OSBPL3: variants seen among roughly 807,000 people sequenced by gnomAD.
The protein encoded by OSBPL3 is oxysterol-binding protein-related protein 3.
Under a neutral mutation model 120.1 loss-of-function variants are expected in OSBPL3, and 65 were observed. The observed-to-expected ratio is 0.54, with a 90% CI of 0.44 to 0.67. The LOEUF (loss-of-function observed/expected upper bound fraction) is 0.67, where lower values mean the gene tolerates loss of function less well. Ranked by LOEUF, OSBPL3 falls within the 30% of genes least tolerant of loss-of-function variation. OSBPL3 has a pLI of 0.00. For missense variants in OSBPL3, 1,004 were observed against 1,082.1 expected, an observed-to-expected ratio of 0.93 and a Z score of 1.01; for synonymous variants, 416 against 402.6, an observed-to-expected ratio of 1.03 and a Z score of -0.40.
rs1176330456 is a variant in OSBPL3, at chr7:24,959,141, C to T, written c.-150+20745G>A. On this transcript the variant is annotated intron_variant, in intron 1 of 22. Transcript: ENST00000313367. The surrounding 1 kb of genome is among the most constrained non-coding windows in gnomAD (Gnocchi z 4.3). ...AACTGCTGGAAGAAACGTAAATGGG[C>T]ACAACCATTTTGGAAAACTGTTTGG... Among the ~76,000 whole-genome samples the T allele has an allele frequency of 1.3e-5, 2 of 152,098 alleles. No homozygotes were observed. Among genetic ancestry groups the T allele is most frequent in the Non-Finnish European group, 2.9e-5 (2 of 67,972 alleles).
intron 12 of OSBPL3, among the ~76,000 whole-genome samples, chr7:24,846,212 T>C (rs1205443769): frequency 6.6e-6 from 1 of 152,234 alleles, no homozygotes; most frequent in East Asian, 1.9e-4. Flanking sequence ...TGTTTTATTT[T>C]CTGGCTTGGC....
At chr7:24,903,520 T>C (rs1445428933) in intron 1 of OSBPL3, among the ~76,000 whole-genome samples, 1 of 152,254 alleles carries the variant, frequency 6.6e-6, no homozygotes, top group East Asian at 1.9e-4. Flanking sequence ...AATGTAACCC[T>C]ATCCTTCACC....
intron 1 of OSBPL3, among the ~76,000 whole-genome samples, chr7:24,926,206 C>T (rs879591696): frequency 1.3e-5 from 2 of 152,210 alleles, no homozygotes; most frequent in African/African-American, 4.8e-5. Flanking sequence ...CCATTTCATA[C>T]AAAGCTTTCC....
chr7:24,914,219 A>G (rs111864736), intron 1 of OSBPL3, among the ~76,000 whole-genome samples: 7 of 152,008 alleles, frequency 4.6e-5, no homozygotes, highest in African/African-American at 1.7e-4. Flanking sequence ...ACCCCACAGG[A>G]TCATGGAAAA....
rs1794305376 is a variant in OSBPL3, at chr7:24,815,055, T to C, written c.2172+4A>G. 1.9e-6 allele frequency: 3 copies of C among 1,613,900 alleles called. No homozygotes were observed. The highest frequency in any genetic ancestry group is 2.2e-5 in the South Asian group (2 of 91,070). Reference sequence around the variant, plus strand: ...GTCAGAGCTCAGAGAGTCACTGGAGTTACCTTTATAAAATTCACTTTGCAG... The same window carrying C: ...GTCAGAGCTCAGAGAGTCACTGGAGCTACCTTTATAAAATTCACTTTGCAG... On this transcript the variant is annotated splice_donor_region_variant and intron_variant, in intron 19 of 22. Transcript: ENST00000313367. This position sits in a 1 kb window ranked among gnomAD's most constrained non-coding sequence, Gnocchi z 5.1.
intron 1 of OSBPL3, among the ~76,000 whole-genome samples, chr7:24,975,987 G>GA (rs1817543445): frequency 6.6e-6 from 1 of 152,200 alleles, no homozygotes; most frequent in Admixed American, 6.5e-5. Flanking sequence ...CAGGGGTGGG[G>GA]AATGATAGGA....
intron 1 of OSBPL3, among the ~76,000 whole-genome samples, chr7:24,911,287 G>A (rs1040201244): frequency 2.0e-5 from 3 of 152,148 alleles, no homozygotes; most frequent in African/African-American, 7.2e-5. Flanking sequence ...GTGTTATTAC[G>A]CTCCCTTAAC....
At position 24,808,369 on chromosome 7, in the gene OSBPL3, C is replaced by G. The variant is rs958618334; in HGVS notation, c.2317+1438G>C. On this transcript the variant is annotated intron_variant, in intron 20 of 22. Transcript: ENST00000313367. This position sits in a 1 kb window ranked among gnomAD's most constrained non-coding sequence, Gnocchi z 4.6. ...CTTAAAGATGGGCCAGGGATGCTCA[C>G]TGCCATTAGAGAGACATAAAGTCAA... Among the ~76,000 whole-genome samples the G allele has an allele frequency of 6.6e-6, 1 of 152,208 alleles. No homozygotes were observed. The highest frequency in any genetic ancestry group is 1.5e-5 in the Non-Finnish European group (1 of 68,040).
At position 24,883,081 on chromosome 7, in the gene OSBPL3, G is replaced by A. The variant is rs1299184091; in HGVS notation, c.96+9296C>T. On this transcript the variant is annotated intron_variant, in intron 2 of 22. Transcript: ENST00000313367. This position sits in a 1 kb window ranked among gnomAD's most constrained non-coding sequence, Gnocchi z 5.4. The stretch of plus-strand genomic sequence containing the variant: ...AGAAACTTTTTAGTTTAATTAAGTA[G>A]GAAGTGAACATGTCTTTTTATGATT... Among the ~76,000 whole-genome samples the A allele has an allele frequency of 6.6e-6, 1 of 152,132 alleles. No homozygotes were observed. Among genetic ancestry groups the A allele is most frequent in the Non-Finnish European group, 1.5e-5 (1 of 68,020 alleles).
chr7:24,934,175 C>T (rs1812111985), intron 1 of OSBPL3, among the ~76,000 whole-genome samples: 1 of 152,170 alleles, frequency 6.6e-6, no homozygotes, highest in South Asian at 2.1e-4. Flanking sequence ...ATCATCTCAA[C>T]AAATTTTTAT....
Position 24,866,212 on chromosome 7 carries a change from T to A in OSBPL3, c.407A>T (p.Glu136Val). Residue 136 changes from glutamate (E) to valine (V), a missense_variant, in exon 6 of 23, where the codon GAG (glutamate) becomes GTG (valine). Around this residue, in one of 4 missense-constraint regions of OSBPL3, gnomAD observed 255 missense variants for 248.7 expected, o/e 1.03. Transcript: ENST00000313367. ...GTGGTGGCGAAGTTTCGATACCCAC[T>A]CATCAAAGACTTCTTCTGACTTGAC... ...LKVKSEEVFD[E>V]WVSKLRHHRM... 6.2e-7 allele frequency: 1 copy of A among 1,612,156 alleles called. No homozygotes were observed. Among genetic ancestry groups the A allele is most frequent in the Non-Finnish European group, 8.5e-7 (1 of 1,178,206 alleles).
At chr7:24,917,049 C>T (rs1809665736) in intron 1 of OSBPL3, among the ~76,000 whole-genome samples, 1 of 151,990 alleles carries the variant, frequency 6.6e-6, no homozygotes, top group African/African-American at 2.4e-5. Context: ...GGGGCTGCAC[C>T]CATATTTGTA....
At chr7:24,929,680 C>G (rs960721009) in intron 1 of OSBPL3, among the ~76,000 whole-genome samples, 1 of 152,132 alleles carries the variant, frequency 6.6e-6, no homozygotes, top group African/African-American at 2.4e-5. Flanking sequence ...CTGCTGCTTC[C>G]AAGCTAATTT....
intron 22 of OSBPL3, 133 bp from the exon 23 acceptor site, chr7:24,800,412 C>T (rs17150175): frequency 0.03 from 15,389 of 507,342 alleles, 833 homozygotes; most frequent in East Asian, 0.17. Context: ...GTGTTGGGAC[C>T]GGGAATTCTG....
intron 6 of OSBPL3, among the ~76,000 whole-genome samples, 163 bp from the exon 7 acceptor site, chr7:24,865,628 G>A (rs983906364): frequency 7.2e-5 from 11 of 152,146 alleles, no homozygotes; most frequent in Admixed American, 5.2e-4. Context: ...CTATCACCCC[G>A]GCTTGGCCAT....
chr7:24,846,783 G>A lies in OSBPL3; in HGVS notation c.1266+2286C>T, dbSNP rs1049928500. Among the ~76,000 whole-genome samples the A allele has an allele frequency of 1.2e-4, 18 of 152,334 alleles. No homozygotes were observed. The East Asian group carries it at 1.7e-3, about 15-fold the overall frequency. On this transcript the variant is annotated intron_variant, in intron 12 of 22. Coordinates refer to ENST00000313367, the MANE Select transcript of OSBPL3 (RefSeq NM_015550.4). ...CGTGTGGCTAAAGAAAAGGTAACGAGGCCGGGCGCAGTGGCTCATGCCTTT... is the reference window on the plus strand; with the variant it reads ...CGTGTGGCTAAAGAAAAGGTAACGAAGCCGGGCGCAGTGGCTCATGCCTTT...
intron 1 of OSBPL3, among the ~76,000 whole-genome samples, chr7:24,969,748 T>C (rs1347663641): frequency 6.6e-6 from 1 of 152,144 alleles, no homozygotes; most frequent in African/African-American, 2.4e-5. Context: ...TTGATATTAT[T>C]TGTCTTTTTT....
chr7:24,963,885 A>C (rs939656938), intron 1 of OSBPL3, among the ~76,000 whole-genome samples: 2 of 152,102 alleles, frequency 1.3e-5, no homozygotes, highest in African/African-American at 4.8e-5. Context: ...ATTCTAGAGG[A>C]GGGACAAGGA....
intron 17 of OSBPL3, 115 bp from the exon 18 acceptor site, chr7:24,816,803 C>A: frequency 1.4e-6 from 1 of 722,994 alleles, no homozygotes; most frequent in South Asian, 1.6e-5. Flanking sequence ...ACAATCAAGT[C>A]AATTATTGTA....
Sources: allele counts gnomAD v4.1 joint callset (sites outside exome capture counted in the v4.1 genomes callset), GRCh38; gene constraint gnomAD v4.1.1; regional missense constraint gnomAD v4.1.1; non-coding constraint Gnocchi (gnomAD v3.1); transcripts MANE v1.5; gene names NCBI Gene and HGNC (gene_info 2026-07-23, HGNC 2026-07-21).